SLC2A9: variants seen among roughly 807,000 people sequenced by gnomAD.
The protein encoded by SLC2A9 is solute carrier family 2 member 9.
SLC2A9 carries 39 observed loss-of-function variants against 50.6 expected under a neutral mutation model. The observed-to-expected ratio is 0.77, with a 90% CI of 0.60 to 1.01. The LOEUF (loss-of-function observed/expected upper bound fraction) is 1.01. SLC2A9 is among the 50% of genes least tolerant of loss of function. SLC2A9 has a pLI of 0.00. For missense variants in SLC2A9, 686 were observed against 677.6 expected (o/e 1.01, Z -0.14); for synonymous variants, 324 against 276.9 (o/e 1.17, Z -1.69).
intron 4 of SLC2A9, among the ~76,000 whole-genome samples, chr4:9,984,448 C>G (rs923022906): frequency 1.3e-5 from 2 of 151,992 alleles, no homozygotes; most frequent in Non-Finnish European, 2.9e-5. Flanking sequence ...GAGAGAGAGA[C>G]AGAGTGTGTG....
At chr4:9,857,333 G>A (rs553012085) in intron 10 of SLC2A9, among the ~76,000 whole-genome samples, 42 of 152,252 alleles carry the variant, frequency 2.8e-4, no homozygotes, top group African/African-American at 3.9e-4. Context: ...TGGAGGGGGC[G>A]CAGGGTTGGA....
Position 9,890,609 on chromosome 4 carries a change from C to T in SLC2A9, c.1215+1G>A. ...CAAATGTGACAAGAACATCGTCTCA[C>T]CTGCAGGGTCAGCGTGATGGTGAGG... On this transcript the variant is annotated splice_donor_variant, in intron 9 of 11. Transcript: ENST00000264784. LOFTEE classifies it high-confidence loss of function. 6.2e-7 allele frequency: 1 copy of T among 1,614,034 alleles called. No homozygotes were observed. The highest frequency in any genetic ancestry group is 1.1e-5 in the South Asian group (1 of 91,064).
At chr4:9,824,882 T>C (rs1293393478), downstream of SLC2A9, among the ~76,000 whole-genome samples, 2 of 152,188 alleles carry the variant, frequency 1.3e-5, no homozygotes, top group Admixed American at 6.6e-5. Context: ...TGACAAACAC[T>C]GTCCAAATTT....
chr4:9,782,293 T>C (rs76288744), intron 3 of SLC2A9: 1 of 1,613,994 alleles, frequency 6.2e-7, no homozygotes, highest in Admixed American at 1.7e-5. Flanking sequence ...TGTCAGACCT[T>C]TTCGTGGCGC....
chr4:9,790,146 C>T (rs1033051109), intron 3 of SLC2A9, among the ~76,000 whole-genome samples: 11 of 152,190 alleles, frequency 7.2e-5, no homozygotes, highest in African/African-American at 2.4e-4. Flanking sequence ...TCCTGGAGAA[C>T]CCCCCTTTTG....
At chr4:9,983,196 G>T (rs562184035) in intron 4 of SLC2A9, among the ~76,000 whole-genome samples, 1 of 152,266 alleles carries the variant, frequency 6.6e-6, no homozygotes, top group South Asian at 2.1e-4. Context: ...CCCAACAAGG[G>T]AGGCCTTACT....
At chr4:9,848,363 A>C (rs1052067765) in intron 10 of SLC2A9, among the ~76,000 whole-genome samples, 1 of 152,170 alleles carries the variant, frequency 6.6e-6, no homozygotes, top group Non-Finnish European at 1.5e-5. Flanking sequence ...TCTAAAAAAA[A>C]AAAAAAAAAA....
intron 3 of SLC2A9, among the ~76,000 whole-genome samples, chr4:9,789,213 G>A (rs1458366752): frequency 6.6e-6 from 1 of 152,172 alleles, no homozygotes; most frequent in African/African-American, 2.4e-5. Flanking sequence ...GGAAGTCAAA[G>A]AGATTAAGTT....
chr4:9,993,108 C>T (rs936269914), intron 3 of SLC2A9, among the ~76,000 whole-genome samples: 3 of 152,210 alleles, frequency 2.0e-5, no homozygotes, highest in Non-Finnish European at 4.4e-5. Context: ...AAAACAGTAC[C>T]TTACTCCTTG....
intron 6 of SLC2A9, among the ~76,000 whole-genome samples, chr4:9,938,829 TGGG>T (rs1747609972): frequency 6.6e-6 from 1 of 152,284 alleles, no homozygotes; most frequent in East Asian, 1.9e-4. Context: ...CACTGGAGGC[TGGG>T]ATTCTCCTAA....
chr4:9,783,745 T>G, intron 3 of SLC2A9: 1 of 321,766 alleles, frequency 3.1e-6, no homozygotes, highest in East Asian at 5.9e-5. Flanking sequence ...AAAAAAATGA[T>G]ACTTGGTCCT....
At chr4:9,775,007 A>G (rs1294829042), downstream of SLC2A9, among the ~76,000 whole-genome samples, 1 of 152,170 alleles carries the variant, frequency 6.6e-6, no homozygotes, top group Non-Finnish European at 1.5e-5. Flanking sequence ...CCCTTGTGAG[A>G]CATGCTTGCA....
intron 3 of SLC2A9, among the ~76,000 whole-genome samples, chr4:9,812,817 C>G (rs1212139317): frequency 2.0e-5 from 3 of 152,106 alleles, no homozygotes; most frequent in African/African-American, 4.8e-5. Flanking sequence ...CTTCCAAGCT[C>G]TAGTTCTTGG....
At chr4:9,826,101 A>T (rs1725084036), downstream of SLC2A9, 23 of 380,950 alleles carry the variant, frequency 6.0e-5, no homozygotes, top group South Asian at 7.1e-4. Flanking sequence ...TGAGTCATGA[A>T]GAAGGCAGGT....
At chr4:9,909,772 T>C (rs4382035) in intron 7 of SLC2A9, among the ~76,000 whole-genome samples, 33,092 of 152,186 alleles carry the variant, frequency 0.22, 4,186 homozygotes, top group African/African-American at 0.35. Context: ...GAAAACCACA[T>C]TGTCCTAACT....
At chr4:9,889,466 C>T (rs1423887016) in intron 9 of SLC2A9, among the ~76,000 whole-genome samples, 1 of 152,196 alleles carries the variant, frequency 6.6e-6, no homozygotes, top group Admixed American at 6.5e-5. Flanking sequence ...TTCCTGAGAA[C>T]TTTGAAGGAC....
chr4:9,833,857 G>A (rs887438583), intron 11 of SLC2A9, among the ~76,000 whole-genome samples: 7 of 152,194 alleles, frequency 4.6e-5, no homozygotes, highest in African/African-American at 1.7e-4. Context: ...ACCCAGCACT[G>A]AGGGCAGCAG....
At chr4:9,801,113 T>G (rs1246851646) in intron 3 of SLC2A9, among the ~76,000 whole-genome samples, 2 of 151,738 alleles carry the variant, frequency 1.3e-5, no homozygotes, top group African/African-American at 4.9e-5. Flanking sequence ...TGAATGTGGC[T>G]TTTGTTGTCA....
chr4:9,941,955 A>T lies in SLC2A9; in HGVS notation c.772T>A (p.Tyr258Asn). 1 of 1,614,190 alleles carries T rather than the reference A, an allele frequency of 6.2e-7. No homozygotes were observed. Among genetic ancestry groups the T allele is most frequent in the Non-Finnish European group, 8.5e-7 (1 of 1,180,012 alleles). The stretch of plus-strand genomic sequence containing the variant: ...TCGTTGTGCTTCTCCAAGAGCAGGT[A>T]GCGTGGGCTGTCCGGGAGAAAGGGA... ...SLPFLPDSPRYLLLEKHNEAR... is the reference protein window; with the variant it reads ...SLPFLPDSPRNLLLEKHNEAR... Residue 258 changes from tyrosine to asparagine, a missense_variant, in exon 6 of 12, where the codon TAC becomes AAC. Transcript: ENST00000264784.
Sources: allele counts gnomAD v4.1 joint callset (sites outside exome capture counted in the v4.1 genomes callset), GRCh38; gene constraint gnomAD v4.1.1; transcripts MANE v1.5; gene names NCBI Gene and HGNC (gene_info 2026-07-23, HGNC 2026-07-21).